Variants in CDYL observed in about 807,000 individuals in gnomAD.
CDYL encodes the protein chromodomain Y-like protein.
In CDYL, 8 loss-of-function variants were observed where a neutral mutation model predicts 47.3. The observed-to-expected ratio is 0.17, with a 90% CI of 0.10 to 0.31. The LOEUF (loss-of-function observed/expected upper bound fraction) is 0.31, where lower values mean the gene tolerates loss of function less well. CDYL is among the 10% of genes least tolerant of loss of function. The pLI is 1.00. For missense variants in CDYL, 471 were observed against 701.4 expected, an observed-to-expected ratio of 0.67 and a Z score of 3.71; for synonymous variants, 266 against 265.0, an observed-to-expected ratio of 1.00 and a Z score of -0.04.
intron 4 of CDYL, among the ~76,000 whole-genome samples, chr6:4,938,298 C>T (rs1403476356): frequency 2.0e-5 from 3 of 151,600 alleles, no homozygotes; most frequent in African/African-American, 7.3e-5. Context: ...TCCTAAGTTC[C>T]AACTGGACAG....
rs572390431 is a variant in CDYL at position 4,748,625 on chromosome 6, T to C, written c.186+13781T>C. The stretch of plus-strand genomic sequence containing the variant: ...GTATGGGGACCAGGATAGGAAGACA[T>C]ACATGGTTGGATGGAGAGACTGATG... On this transcript the variant is annotated intron_variant, in intron 3 of 8. Transcript: ENST00000328908. Among the ~76,000 whole-genome samples, 193 of 147,770 alleles carry C rather than the reference T, an allele frequency of 1.3e-3. 1 individual carries two copies. Among genetic ancestry groups the C allele is most frequent in the African/African-American group, 4.6e-3 (185 of 40,202 alleles).
intron 1 of CDYL, among the ~76,000 whole-genome samples, chr6:4,864,965 T>C (rs1344355491): frequency 6.6e-6 from 1 of 152,216 alleles, no homozygotes; most frequent in Non-Finnish European, 1.5e-5. Context: ...ACTCCAAGTT[T>C]CTCTTCAAAG....
At chr6:4,857,553 T>C (rs1452997486) in intron 1 of CDYL, among the ~76,000 whole-genome samples, 3 of 152,212 alleles carry the variant, frequency 2.0e-5, no homozygotes, top group South Asian at 4.1e-4. Context: ...TGTAGGCCTT[T>C]GAAGTCCCTT....
chr6:4,916,608 G>A (rs1414081505), intron 2 of CDYL, among the ~76,000 whole-genome samples: 2 of 2,914 alleles, frequency 6.9e-4, no homozygotes, highest in Non-Finnish European at 1.2e-3. Context: ...AGATGTATCG[G>A]GGGGGGGCGG....
At chr6:4,859,569 G>T (rs1437254208) in intron 1 of CDYL, among the ~76,000 whole-genome samples, 1 of 152,170 alleles carries the variant, frequency 6.6e-6, no homozygotes, top group Non-Finnish European at 1.5e-5. Flanking sequence ...CCCAGGAAAG[G>T]GGATTTTGAC....
chr6:4,748,721 T>A (rs1757939252), intron 3 of CDYL, among the ~76,000 whole-genome samples: 1 of 150,966 alleles, frequency 6.6e-6, no homozygotes, highest in Non-Finnish European at 1.5e-5. Context: ...AAAAGAAATC[T>A]TGGCAAACTG....
At chr6:4,895,035 A>G (rs972091064) in intron 2 of CDYL, among the ~76,000 whole-genome samples, 1 of 151,318 alleles carries the variant, frequency 6.6e-6, no homozygotes, top group African/African-American at 2.4e-5. Flanking sequence ...ATGTGTATAT[A>G]TGTATCTATA....
Position 4,945,977 on chromosome 6 carries a change from C to T in CDYL, c.1332+2221C>T, listed in dbSNP as rs114339537. On this transcript the variant is annotated intron_variant, in intron 5 of 6. Coordinates refer to ENST00000397588, the MANE Select transcript of CDYL (RefSeq NM_004824.4). ...GCAGACTCAGACCCAGAGGATATGC[C>T]CATGCCTGTTGGAGCCGTCAGCGTG... Among the ~76,000 whole-genome samples the T allele has an allele frequency of 6.8e-3, 1,039 of 152,350 alleles. 16 individuals are homozygous for T. Among genetic ancestry groups the T allele is most frequent in the African/African-American group, 0.024 (1,001 of 41,580 alleles).
At chr6:4,895,951 G>A (rs981165139) in intron 2 of CDYL, among the ~76,000 whole-genome samples, 4 of 152,166 alleles carry the variant, frequency 2.6e-5, no homozygotes, top group African/African-American at 9.7e-5. Context: ...CTTGTTGTGC[G>A]GAGTTGGGAG....
intron 2 of CDYL, among the ~76,000 whole-genome samples, chr6:4,910,816 C>G (rs1418935827): frequency 5.3e-5 from 8 of 151,706 alleles, no homozygotes; most frequent in Admixed American, 3.3e-4. Flanking sequence ...CACCTCTAGA[C>G]CTTACCTGAG....
chr6:4,946,601 C>G (rs1340781732), intron 5 of CDYL, among the ~76,000 whole-genome samples: 1 of 152,164 alleles, frequency 6.6e-6, no homozygotes, highest in Non-Finnish European at 1.5e-5. Flanking sequence ...GGGGTCTAGG[C>G]TGCCGGCCCA....
At chr6:4,947,593 T>C (rs1581291188) in intron 5 of CDYL, among the ~76,000 whole-genome samples, 2 of 152,146 alleles carry the variant, frequency 1.3e-5, no homozygotes, top group South Asian at 4.1e-4. Flanking sequence ...CCACCTGGCC[T>C]GTTGGGGGGT....
At chr6:4,913,550 A>G (rs1426516689) in intron 2 of CDYL, among the ~76,000 whole-genome samples, 4 of 152,252 alleles carry the variant, frequency 2.6e-5, no homozygotes, top group African/African-American at 9.6e-5. Context: ...GCCTGGTTGC[A>G]TGACTGGCAA....
intron 1 of CDYL, among the ~76,000 whole-genome samples, chr6:4,888,294 A>G (rs1261425498): frequency 1.3e-5 from 2 of 152,114 alleles, no homozygotes; most frequent in African/African-American, 2.4e-5. Flanking sequence ...AAGCTATCTA[A>G]TCCTATGCTT....
rs373270484 is a variant in CDYL at position 4,932,854 on chromosome 6, A to ACTC, written c.692-2659_692-2658insCCT. On this transcript the variant is annotated intron_variant, in intron 2 of 6. Coordinates refer to ENST00000397588, the MANE Select transcript of CDYL (RefSeq NM_004824.4). ...TGTCATCTCACCTGCACTTTTAACAACTGCTGTGCCCACGTGTGTTTTTAT... is the reference window on the plus strand; with the variant it reads ...TGTCATCTCACCTGCACTTTTAACAACTCCTGCTGTGCCCACGTGTGTTTTTAT... Among the ~76,000 whole-genome samples, 431 of 152,016 alleles carry ACTC rather than the reference A, an allele frequency of 2.8e-3. 2 individuals carry two copies. The highest frequency in any genetic ancestry group is 7.7e-3 in the African/African-American group (320 of 41,478).
chr6:4,805,179 T>G (rs1238609982), intron 1 of CDYL, among the ~76,000 whole-genome samples: 1 of 152,254 alleles, frequency 6.6e-6, no homozygotes, highest in African/African-American at 2.4e-5. Context: ...CTTTTTACTC[T>G]AAACTTAAGA....
At chr6:4,930,912 G>C (rs534000313) in intron 2 of CDYL, among the ~76,000 whole-genome samples, 2 of 152,242 alleles carry the variant, frequency 1.3e-5, no homozygotes, top group South Asian at 2.1e-4. Context: ...TCAACGATGA[G>C]AGTCATCGTT....
At chr6:4,744,298 G>C (rs905726533) in intron 3 of CDYL, among the ~76,000 whole-genome samples, 2 of 152,168 alleles carry the variant, frequency 1.3e-5, no homozygotes, top group Non-Finnish European at 2.9e-5. Flanking sequence ...TTTAAGGCCA[G>C]CCTAGTCAGC....
chr6:4,715,761 A>G, exon 2 of CDYL: 1 of 1,613,838 alleles, frequency 6.2e-7, no homozygotes, highest in Non-Finnish European at 8.5e-7. Context: ...GAGAACACAG[A>G]GCCCCCGGAA....
Sources: allele counts gnomAD v4.1 joint callset (sites outside exome capture counted in the v4.1 genomes callset), GRCh38; gene constraint gnomAD v4.1.1; transcripts MANE v1.5; gene names NCBI Gene and HGNC (gene_info 2026-07-23, HGNC 2026-07-21).